UBE4B: variants seen among roughly 807,000 people sequenced by gnomAD.
UBE4B encodes ubiquitination factor E4B.
UBE4B carries 27 observed loss-of-function variants against 148.1 expected under a neutral mutation model. The observed-to-expected ratio is 0.18, with a 90% CI of 0.13 to 0.25. The LOEUF is 0.25. Ranked by LOEUF, UBE4B falls within the 10% of genes least tolerant of loss-of-function variation. The pLI is 1.00. For synonymous variants in UBE4B, 596 were observed against 619.3 expected, an observed-to-expected ratio of 0.96 and a Z score of 0.56; for missense variants, 1,170 against 1,662.4, an observed-to-expected ratio of 0.70 and a Z score of 5.15.
Position 10,125,669 on chromosome 1 carries a change from T to G in UBE4B, c.1555-1125T>G, listed in dbSNP as rs151330704. Among the ~76,000 whole-genome samples the G allele has an allele frequency of 1.2e-3, 184 of 152,338 alleles. 1 individual carries two copies. The highest frequency in any genetic ancestry group is 2.9e-3 in the Admixed American group (44 of 15,304). ...TTACAACATTTCTATTTAATGTTATTAGCCTTGAATCCCAACCAACTCCCT... is the reference window on the plus strand; with the variant it reads ...TTACAACATTTCTATTTAATGTTATGAGCCTTGAATCCCAACCAACTCCCT... On this transcript the variant is annotated intron_variant, in intron 10 of 27. Transcript: ENST00000343090.
chr1:10,174,392 CAA>C (rs796969203), intron 25 of UBE4B, among the ~76,000 whole-genome samples: 16 of 109,868 alleles, frequency 1.5e-4, no homozygotes, highest in Admixed American at 4.9e-4. Flanking sequence ...GACTCCATAT[CAA>C]AAAAAAAAAA....
chr1:10,137,918 ATTC>A (rs1645716997), intron 17 of UBE4B, among the ~76,000 whole-genome samples: 5 of 113,228 alleles, frequency 4.4e-5, no homozygotes, highest in South Asian at 2.6e-4. Flanking sequence ...TCACTTACTA[ATTC>A]TTTTTTTTTT....
chr1:10,121,830 A>C, intron 9 of UBE4B, 132 bp from the exon 10 acceptor site: 1 of 540,724 alleles, frequency 1.8e-6, no homozygotes. Context: ...CTTTCGCCTG[A>C]AACTATTTTG....
intron 23 of UBE4B, among the ~76,000 whole-genome samples, chr1:10,166,971 A>AC (rs376136541): frequency 0.045 from 4,971 of 111,654 alleles, 126 homozygotes; most frequent in Admixed American, 0.11. Context: ...ACACACACAC[A>AC]AAAAAAAAAA....
intron 1 of UBE4B, among the ~76,000 whole-genome samples, chr1:10,055,046 A>G (rs982998845): frequency 6.6e-6 from 1 of 152,116 alleles, no homozygotes. Context: ...TCGGCCTCCC[A>G]AAGTGCTGAG....
Position 10,117,588 on chromosome 1 carries a change from A to G in UBE4B, c.1326A>G (p.Lys442=). The change falls in exon 8 of 28, where the codon AAA becomes AAG. Residue 442 remains lysine, a synonymous_variant. Transcript: ENST00000343090. ...TCGACCGAGTTGGAATAGAGGAAAA[A>G]AAAGCACCAAAGGTAATATGAAATG... is the stretch of plus-strand genomic sequence containing the variant. ...ECFDRVGIEE[K]KAPKMCSQPA... 6.3e-7 allele frequency: 1 copy of G among 1,582,724 alleles called. No individual in the cohort carries two copies.
chr1:10,139,236 A>G (rs2101962713), intron 17 of UBE4B, among the ~76,000 whole-genome samples: 1 of 152,272 alleles, frequency 6.6e-6, no homozygotes, highest in Middle Eastern at 3.4e-3. Context: ...TCTCTACTAC[A>G]AAAATTAGCT....
At chr1:10,173,412 G>A (rs1350478202) in intron 25 of UBE4B, among the ~76,000 whole-genome samples, 2 of 151,338 alleles carry the variant, frequency 1.3e-5, no homozygotes, top group East Asian at 3.9e-4. Flanking sequence ...AACCCAGGAG[G>A]CAGAGCTTGC....
chr1:10,075,491 C>T (rs1644561524), intron 2 of UBE4B, among the ~76,000 whole-genome samples: 1 of 152,134 alleles, frequency 6.6e-6, no homozygotes, highest in Non-Finnish European at 1.5e-5. Context: ...CCCACTAAAG[C>T]ATAAGTGCAA....
At chr1:10,124,836 A>G (rs988224775) in intron 10 of UBE4B, among the ~76,000 whole-genome samples, 5 of 152,304 alleles carry the variant, frequency 3.3e-5, no homozygotes, top group Middle Eastern at 3.4e-3. Flanking sequence ...TTTAAAATAT[A>G]TAGGTCAGGC....
intron 25 of UBE4B, among the ~76,000 whole-genome samples, chr1:10,173,711 C>T (rs769512745): frequency 1.7e-4 from 26 of 152,106 alleles, no homozygotes; most frequent in Non-Finnish European, 3.2e-4. Context: ...GCTCTTCCAT[C>T]GTTGCCGTAG....
At chr1:10,149,337 T>G in intron 20 of UBE4B, 55 bp downstream of exon 20, 1 of 1,373,672 alleles carries the variant, frequency 7.3e-7, no homozygotes, top group South Asian at 1.3e-5. Context: ...CATAATAGTA[T>G]AATATTCTGA....
chr1:10,103,755 C>T (rs912385602), intron 5 of UBE4B, among the ~76,000 whole-genome samples: 2 of 151,868 alleles, frequency 1.3e-5, no homozygotes, highest in African/African-American at 2.4e-5. Flanking sequence ...CTCAGCCTCC[C>T]GAGTTGGGAT....
chr1:10,107,137 TTAA>T, intron 7 of UBE4B: 1 of 1,240,034 alleles, frequency 8.1e-7, no homozygotes, highest in East Asian at 5.6e-5. Context: ...TATGGTTTAT[TTAA>T]AAGGACAGCA....
chr1:10,112,382 A>G (rs1051285375), intron 7 of UBE4B, among the ~76,000 whole-genome samples: 1 of 152,176 alleles, frequency 6.6e-6, no homozygotes, highest in African/African-American at 2.4e-5. Flanking sequence ...TTAAATATTT[A>G]GAAATATTTC....
At chr1:10,101,297 A>G (rs1645006185) in intron 4 of UBE4B, 102 bp downstream of exon 4, 1 of 1,032,374 alleles carries the variant, frequency 9.7e-7, no homozygotes, top group Middle Eastern at 2.1e-4. Context: ...GAAATCAGGA[A>G]GTCCTAGGCA....
intron 1 of UBE4B, 49 bp downstream of exon 1, chr1:10,033,743 C>G: frequency 6.6e-7 from 1 of 1,513,424 alleles, no homozygotes; most frequent in Non-Finnish European, 8.9e-7. Context: ...AACTCGTTAG[C>G]GCTTTGGACA....
chr1:10,044,453 C>T (rs1643874914), intron 1 of UBE4B, among the ~76,000 whole-genome samples: 1 of 152,044 alleles, frequency 6.6e-6, no homozygotes, highest in Non-Finnish European at 1.5e-5. Flanking sequence ...GACACTTTTT[C>T]CATGGGTGGT....
intron 5 of UBE4B, among the ~76,000 whole-genome samples, chr1:10,103,447 A>G (rs1570894735): frequency 9.8e-6 from 1 of 101,946 alleles, no homozygotes. Flanking sequence ...TTATTTATTT[A>G]TTTTGAGATG....
Sources: gnomAD v4.1 joint callset for allele counts (sites outside exome capture counted in the v4.1 genomes callset) on GRCh38, gnomAD v4.1.1 for gene constraint, MANE v1.5 for transcripts, NCBI Gene and HGNC (gene_info 2026-07-23, HGNC 2026-07-21) for gene names.